The following ATL2 variants were observed in gnomAD, a reference collection of about 807,000 sequenced individuals.
ATL2 encodes the protein atlastin-2.
Under a neutral mutation model 73.9 loss-of-function variants are expected in ATL2, and 31 were observed. That is an observed-to-expected ratio of 0.42 (90% CI 0.32 to 0.57). ATL2 has a LOEUF of 0.57. ATL2 is among the 20% of genes least tolerant of loss of function. The pLI, the probability that ATL2 is intolerant of heterozygous loss-of-function variation, is 0.14. For missense variants in ATL2, 738 were observed against 702.6 expected (o/e 1.05, Z -0.57); for synonymous variants, 291 against 237.5 (o/e 1.23, Z -2.07).
intron 1 of ATL2, among the ~76,000 whole-genome samples, chr2:38,360,307 A>T (rs1670938269): frequency 7.0e-6 from 1 of 142,648 alleles, no homozygotes; most frequent in African/African-American, 2.7e-5. Flanking sequence ...TTGTTTTGAG[A>T]TGGGGTCTTG....
chr2:38,336,545 A>C (rs926436173), intron 2 of ATL2, among the ~76,000 whole-genome samples: 1 of 152,198 alleles, frequency 6.6e-6, no homozygotes, highest in Non-Finnish European at 1.5e-5. Flanking sequence ...AACCAAAGTA[A>C]ATATTTATAA....
chr2:38,353,662 A>G (rs577913438), intron 1 of ATL2, among the ~76,000 whole-genome samples: 3 of 152,364 alleles, frequency 2.0e-5, no homozygotes, highest in East Asian at 1.9e-4. Flanking sequence ...AAAACCAAAG[A>G]TAACAGGACA....
At position 38,356,824 on chromosome 2, in the gene ATL2, CAT is replaced by C. The variant is rs200133034; in HGVS notation, c.119-13314_119-13313del. ...TCTTTCACTAACAACCATTTCTATA[CAT>C]GTTTCCTCTTGTATGAACGGTCTAT... On this transcript the variant is annotated intron_variant, in intron 1 of 12. Transcript: ENST00000378954. Among the ~76,000 whole-genome samples the C allele has an allele frequency of 9.9e-5, 15 of 152,238 alleles. No individual in the cohort carries two copies. The South Asian group carries it at 2.3e-3, about 23-fold the overall frequency.
intron 1 of ATL2, among the ~76,000 whole-genome samples, chr2:38,370,665 G>T (rs1486270612): frequency 1.3e-5 from 2 of 152,018 alleles, no homozygotes; most frequent in Non-Finnish European, 2.9e-5. Flanking sequence ...TACTTGGGAG[G>T]CTGGGGCAGA....
chr2:38,350,587 T>G (rs76737806), intron 1 of ATL2, among the ~76,000 whole-genome samples: 1 of 152,236 alleles, frequency 6.6e-6, no homozygotes, highest in East Asian at 1.9e-4. Context: ...GAGTGAACCA[T>G]AATGTAAAAC....
intron 1 of ATL2, among the ~76,000 whole-genome samples, chr2:38,367,447 C>CA (rs919285283): frequency 3.4e-5 from 5 of 148,778 alleles, no homozygotes; most frequent in African/African-American, 4.9e-5. Context: ...ATTAAAAATA[C>CA]AAAAAAAAAT....
At chr2:38,346,284 T>C (rs182868965) in intron 1 of ATL2, among the ~76,000 whole-genome samples, 10 of 152,354 alleles carry the variant, frequency 6.6e-5, no homozygotes, top group African/African-American at 2.4e-4. Context: ...CCTTCATTAA[T>C]ACTCTTGTCC....
chr2:38,371,040 A>T (rs1671660811), intron 1 of ATL2, among the ~76,000 whole-genome samples: 1 of 152,168 alleles, frequency 6.6e-6, no homozygotes, highest in South Asian at 2.1e-4. Flanking sequence ...CATTCTGATA[A>T]AGGTGAAATT....
At chr2:38,373,525 A>G (rs895632675) in intron 1 of ATL2, among the ~76,000 whole-genome samples, 1 of 152,246 alleles carries the variant, frequency 6.6e-6, no homozygotes, top group African/African-American at 2.4e-5. Flanking sequence ...TTGGGAAAAC[A>G]GAGGATGTTA....
At chr2:38,337,638 T>C (rs557826088) in intron 2 of ATL2, among the ~76,000 whole-genome samples, 157 of 151,886 alleles carry the variant, frequency 1.0e-3, no homozygotes, top group Non-Finnish European at 2.0e-3. Flanking sequence ...TACTGTAATA[T>C]TTATAAATTA....
rs1667937762 is a variant in ATL2 at position 38,314,731 on chromosome 2, TC to T, written c.655-68del. Reference sequence around the variant, plus strand: ...TGAAAGAAGACATGTGTAAACCTGTTCCACACCAAAGCTCCAGGTACCAGAA... The same window carrying T: ...TGAAAGAAGACATGTGTAAACCTGTTCACACCAAAGCTCCAGGTACCAGAA... On this transcript the variant is annotated intron_variant, in intron 5 of 12. Coordinates refer to ENST00000378954, the MANE Select transcript of ATL2 (RefSeq NM_001135673.4). 2.7e-5 allele frequency: 27 copies of T among 1,011,994 alleles called. No homozygotes were observed. In the South Asian group the frequency reaches 4.2e-4, roughly 16 times the overall value. The allele number at this position is 1,011,994 out of a possible 1,614,324, so 62.7% of individuals were successfully genotyped here. A position where few individuals can be genotyped will look rare whatever the true frequency, so the allele number is the denominator to read the frequency against.
At position 38,337,768 on chromosome 2, in the gene ATL2, T is replaced by C. The variant is rs1669458015; in HGVS notation, c.363+5500A>G. ...TTGTTTAGTATATGGGCATTTATTA[T>C]ATTATTGCCTACTTTTACATGTATT... On this transcript the variant is annotated intron_variant, in intron 2 of 12. Transcript: ENST00000378954. 3.3e-5 allele frequency among the ~76,000 whole-genome samples: 5 copies of C among 152,030 alleles called. No individual in the cohort carries two copies. The South Asian group carries it at 1.0e-3, about 31-fold the overall frequency.
intron 2 of ATL2, among the ~76,000 whole-genome samples, chr2:38,340,512 A>G (rs565940998): frequency 6.6e-6 from 1 of 152,176 alleles, no homozygotes; most frequent in Non-Finnish European, 1.5e-5. Context: ...GTCTTTGATT[A>G]CAGATTTTAA....
chr2:38,371,256 C>T (rs561992339), intron 1 of ATL2, among the ~76,000 whole-genome samples: 2 of 150,274 alleles, frequency 1.3e-5, no homozygotes, highest in South Asian at 4.2e-4. Context: ...GCCTGTAATC[C>T]CAACACTTGG....
chr2:38,376,116 C>G (rs1443532691), intron 1 of ATL2: 1 of 1,512,276 alleles, frequency 6.6e-7, no homozygotes, highest in East Asian at 2.5e-5. Context: ...CCGTACTTAC[C>G]AAATCGTAGG....
intron 2 of ATL2, among the ~76,000 whole-genome samples, chr2:38,331,063 G>A (rs1217201353): frequency 6.6e-6 from 1 of 152,124 alleles, no homozygotes; most frequent in Non-Finnish European, 1.5e-5. Flanking sequence ...AGCACTTTGG[G>A]AGGCAGGCAG....
At chr2:38,319,735 A>G (rs572745685) in intron 2 of ATL2, among the ~76,000 whole-genome samples, 2 of 152,352 alleles carry the variant, frequency 1.3e-5, no homozygotes, top group South Asian at 4.1e-4. Context: ...TCCAGGTAGA[A>G]TGACTGTCAA....
Position 38,374,963 on chromosome 2 carries a change from T to C in ATL2, c.118+2180A>G, listed in dbSNP as rs77326898. Among the ~76,000 whole-genome samples the C allele has an allele frequency of 1.2e-4, 19 of 152,356 alleles. No individual in the cohort carries two copies. In the East Asian group the frequency reaches 3.5e-3, roughly 28 times the overall value. On this transcript the variant is annotated intron_variant, in intron 1 of 12. Transcript: ENST00000378954. ...TCTTTTCCCTATAATATCTTTACTG[T>C]AAGGCAGCTACTTCTCCCTAAATAA...
chr2:38,296,743 G>T lies in ATL2; in HGVS notation c.1633-630C>A. Reference sequence around the variant, plus strand: ...AGAAATGCAAAGAAATTTAGACAAGGTTTGTTGACACAGCACAGATCTCTG... The same window carrying T: ...AGAAATGCAAAGAAATTTAGACAAGTTTTGTTGACACAGCACAGATCTCTG... On this transcript the variant is annotated intron_variant, in intron 12 of 12. Transcript: ENST00000378954. The T allele has an allele frequency of 1.9e-6, 3 of 1,551,274 alleles. No homozygotes were observed. The East Asian group carries it at 7.3e-5, about 38-fold the overall frequency.
Sources: allele counts gnomAD v4.1 joint callset (sites outside exome capture counted in the v4.1 genomes callset), GRCh38; gene constraint gnomAD v4.1.1; transcripts MANE v1.5; gene names NCBI Gene and HGNC (gene_info 2026-07-23, HGNC 2026-07-21).